SLC39A10: variants seen among roughly 807,000 people sequenced by gnomAD.
SLC39A10 encodes the protein solute carrier family 39 member 10, also known as zinc transporter ZIP10.
In SLC39A10, 13 loss-of-function variants were observed where a neutral mutation model predicts 65.1. That is an observed-to-expected ratio of 0.20 (90% CI 0.13 to 0.32). SLC39A10 has a LOEUF of 0.32. SLC39A10 is among the 10% of genes least tolerant of loss of function. SLC39A10 has a pLI of 1.00. For missense variants in SLC39A10, 831 were observed against 1,018.4 expected (o/e 0.82, Z 2.50); for synonymous variants, 321 against 342.2 (o/e 0.94, Z 0.68).
intron 1 of SLC39A10, among the ~76,000 whole-genome samples, chr2:195,675,600 T>A (rs918248705): frequency 2.0e-5 from 3 of 151,990 alleles, no homozygotes. Context: ...CCTGGCTAAT[T>A]TTTTTGAATC....
At chr2:195,665,547 G>A (rs1689602423) in intron 1 of SLC39A10, among the ~76,000 whole-genome samples, 1 of 152,086 alleles carries the variant, frequency 6.6e-6, no homozygotes, top group Non-Finnish European at 1.5e-5. Context: ...TTCCACATGT[G>A]ACATTATTTT....
intron 1 of SLC39A10, among the ~76,000 whole-genome samples, chr2:195,675,976 T>C (rs765885705): frequency 6.6e-6 from 1 of 152,038 alleles, no homozygotes; most frequent in African/African-American, 2.4e-5. Flanking sequence ...TAGAGCCTTA[T>C]CTAGATTTGA....
At chr2:195,703,091 C>A (rs1691254180) in intron 3 of SLC39A10, among the ~76,000 whole-genome samples, 1 of 152,144 alleles carries the variant, frequency 6.6e-6, no homozygotes, top group South Asian at 2.1e-4. Context: ...TTCAGCATTA[C>A]CAAAACTTAC....
At chr2:195,625,969 A>G (rs1688464176) in intron 2 of SLC39A10, among the ~76,000 whole-genome samples, 1 of 152,190 alleles carries the variant, frequency 6.6e-6, no homozygotes, top group South Asian at 2.1e-4. Context: ...TTTATTGTAG[A>G]GACAGGGTTT....
intron 9 of SLC39A10, among the ~76,000 whole-genome samples, chr2:195,734,637 T>C (rs1477972507): frequency 6.6e-6 from 1 of 152,204 alleles, no homozygotes; most frequent in Non-Finnish European, 1.5e-5. Context: ...CTAATGTGCA[T>C]ATTTTAAGTG....
At chr2:195,665,670 GA>G (rs1200462809) in intron 1 of SLC39A10, among the ~76,000 whole-genome samples, 4 of 151,914 alleles carry the variant, frequency 2.6e-5, no homozygotes, top group Admixed American at 6.6e-5. Flanking sequence ...TTCTTGGGGG[GA>G]AAAATCAGTC....
intron 1 of SLC39A10, chr2:195,674,732 A>G (rs1690015581): frequency 1.2e-6 from 1 of 825,158 alleles, no homozygotes; most frequent in East Asian, 1.2e-4. Flanking sequence ...TGAACATCAT[A>G]GAGTATACTT....
At chr2:195,698,964 G>C (rs1691079841) in intron 3 of SLC39A10, among the ~76,000 whole-genome samples, 1 of 151,764 alleles carries the variant, frequency 6.6e-6, no homozygotes, top group Non-Finnish European at 1.5e-5. Flanking sequence ...TTTGATTTCT[G>C]ATTCAGTCTT....
chr2:195,652,210 A>G (rs1176135861), upstream of SLC39A10, among the ~76,000 whole-genome samples: 2 of 152,156 alleles, frequency 1.3e-5, no homozygotes, highest in Non-Finnish European at 2.9e-5. Context: ...GTCTGGGTTA[A>G]GATAAGGGGC....
chr2:195,613,836 A>G (rs1688149396), intron 2 of SLC39A10, among the ~76,000 whole-genome samples: 1 of 152,240 alleles, frequency 6.6e-6, no homozygotes, highest in Admixed American at 6.5e-5. Flanking sequence ...ATGGTTGCTA[A>G]TATTTATTAT....
At chr2:195,697,209 A>G (rs1287430985) in intron 3 of SLC39A10, among the ~76,000 whole-genome samples, 3 of 152,182 alleles carry the variant, frequency 2.0e-5, no homozygotes, top group Non-Finnish European at 2.9e-5. Context: ...GATTTAAAAT[A>G]TAAGAGAGGA....
chr2:195,712,899 C>A (rs1013372285), intron 5 of SLC39A10, among the ~76,000 whole-genome samples: 1 of 152,078 alleles, frequency 6.6e-6, no homozygotes, highest in Admixed American at 6.5e-5. Flanking sequence ...TCATTTAATC[C>A]TCATAAAAAT....
At chr2:195,627,910 G>C (rs1346669507) in intron 2 of SLC39A10, among the ~76,000 whole-genome samples, 1 of 152,182 alleles carries the variant, frequency 6.6e-6, no homozygotes, top group Non-Finnish European at 1.5e-5. Flanking sequence ...TTGGGGAAGA[G>C]ATCTCTCTTT....
intron 2 of SLC39A10, among the ~76,000 whole-genome samples, chr2:195,620,514 T>A (rs1236530131): frequency 6.6e-6 from 1 of 151,532 alleles, no homozygotes; most frequent in Non-Finnish European, 1.5e-5. Flanking sequence ...GGGTAGTTCA[T>A]GTTGTCTAGA....
intron 4 of SLC39A10, among the ~76,000 whole-genome samples, chr2:195,707,296 G>A (rs1440564293): frequency 6.6e-6 from 1 of 152,074 alleles, no homozygotes; most frequent in Non-Finnish European, 1.5e-5. Flanking sequence ...CATATTCCTA[G>A]TACCATGCTT....
chr2:195,635,057 A>C (rs893732687), intron 2 of SLC39A10, among the ~76,000 whole-genome samples: 1 of 152,144 alleles, frequency 6.6e-6, no homozygotes, highest in Non-Finnish European at 1.5e-5. Flanking sequence ...TCCAAAAAAA[A>C]CAAAACAAAA....
intron 8 of SLC39A10, among the ~76,000 whole-genome samples, chr2:195,723,565 C>T (rs1487986591): frequency 2.0e-5 from 3 of 152,128 alleles, no homozygotes; most frequent in South Asian, 2.1e-4. Context: ...AAACTCCTGC[C>T]GGAATTCTGA....
intron 2 of SLC39A10, among the ~76,000 whole-genome samples, chr2:195,683,062 A>G (rs995821493): frequency 2.6e-5 from 4 of 151,870 alleles, no homozygotes; most frequent in African/African-American, 7.2e-5. Context: ...TTTTAACCAT[A>G]TGATGGATCC....
intron 2 of SLC39A10, among the ~76,000 whole-genome samples, chr2:195,624,325 T>C (rs1486750927): frequency 6.9e-6 from 1 of 144,724 alleles, no homozygotes; most frequent in Admixed American, 7.2e-5. Context: ...AGGCAGAGGT[T>C]ACCGTGAGCC....
Sources: allele counts gnomAD v4.1 joint callset (sites outside exome capture counted in the v4.1 genomes callset), GRCh38; gene constraint gnomAD v4.1.1; transcripts MANE v1.5; gene names NCBI Gene and HGNC (gene_info 2026-07-23, HGNC 2026-07-21).